Variants in KRT72 observed in about 807,000 individuals in gnomAD.
KRT72 encodes keratin, type II cytoskeletal 72.
A neutral mutation model predicts 44.7 loss-of-function variants in KRT72; 44 were observed. The observed-to-expected ratio is 0.98, with a 90% CI of 0.77 to 1.27. The LOEUF (loss-of-function observed/expected upper bound fraction) is 1.27, where lower values mean the gene tolerates loss of function less well. KRT72 is among the 50% of genes most tolerant of loss of function. The pLI, the probability that KRT72 is intolerant of heterozygous loss-of-function variation, is 0.00. For synonymous variants in KRT72, 302 were observed against 280.4 expected (o/e 1.08, Z -0.77); for missense variants, 736 against 667.1 (o/e 1.10, Z -1.14).
chr12:52,590,816 A>T lies in KRT72; in HGVS notation c.1089+20T>A. ...GTGACTCAATAAATACTGTTAGTGGATTAATTTCATAGAACCCACCTGCTT... is the reference window on the plus strand; with the variant it reads ...GTGACTCAATAAATACTGTTAGTGGTTTAATTTCATAGAACCCACCTGCTT... On this transcript the variant is annotated intron_variant, in intron 6 of 8. Transcript: ENST00000293745. 1.3e-6 allele frequency: 2 copies of T among 1,559,550 alleles called. No individual in the cohort carries two copies. The highest frequency in any genetic ancestry group is 1.8e-6 in the Non-Finnish European group (2 of 1,142,478).
upstream of KRT72, chr12:52,601,673 C>T (rs896045486): frequency 1.0e-5 from 6 of 572,716 alleles, no homozygotes; most frequent in African/African-American, 1.2e-4. Context: ...GTGAACTCCC[C>T]ATGAATCCCT....
At chr12:52,587,491 C>A (rs1379627769) in intron 7 of KRT72, 140 bp downstream of exon 7, 6 of 907,420 alleles carry the variant, frequency 6.6e-6, no homozygotes, top group Non-Finnish European at 8.5e-6. Flanking sequence ...TAACTTTGGC[C>A]TTCCTAATCA....
chr12:52,586,258 T>C (rs1406175690), intron 8 of KRT72, 86 bp from the exon 9 acceptor site: 1 of 1,138,398 alleles, frequency 8.8e-7, no homozygotes, highest in Non-Finnish European at 1.2e-6. Context: ...GCCACCTCCT[T>C]TACTCTCGCC....
chr12:52,601,912 G>C (rs1940480332), upstream of KRT72, among the ~76,000 whole-genome samples: 2 of 152,174 alleles, frequency 1.3e-5, no homozygotes, highest in African/African-American at 4.8e-5. Context: ...ATAGAGTCAA[G>C]ACTATCGCAG....
At chr12:52,587,912 A>T in intron 6 of KRT72, 61 bp from the exon 7 acceptor site, 2 of 1,496,660 alleles carry the variant, frequency 1.3e-6, no homozygotes, top group Non-Finnish European at 1.8e-6. Flanking sequence ...TCTTGCTTGG[A>T]CAACCTCCCC....
chr12:52,591,174 CTG>C (rs1940001316), intron 5 of KRT72, among the ~76,000 whole-genome samples: 1 of 152,154 alleles, frequency 6.6e-6, no homozygotes, highest in South Asian at 2.1e-4. Context: ...CCCATAGAAA[CTG>C]TGTCAGAATC....
At position 52,592,438 on chromosome 12, in the gene KRT72, G is replaced by A. The variant is rs1301868925; in HGVS notation, c.756C>T (p.Ser252=). The A allele has an allele frequency of 1.2e-6, 2 of 1,613,962 alleles. No individual in the cohort carries two copies. The highest frequency in any genetic ancestry group is 2.2e-5 in the East Asian group (1 of 44,888). ...NKVELQAKVD[S]LTDEIKFFKC... ...TGAAGAATTTAATCTCATCTGTCAA[G>A]GAGTCCACCTTGGCCTGGAGCTCAA... Residue 252 remains serine, a synonymous_variant, in exon 4 of 9, where the codon TCC becomes TCT. Transcript: ENST00000293745.
At position 52,600,955 on chromosome 12, in the gene KRT72, C is replaced by A. The variant is rs7980333; in HGVS notation, c.426+72G>T. The A allele has an allele frequency of 2.6e-6, 4 of 1,533,802 alleles. No individual in the cohort carries two copies. In the African/African-American group the frequency reaches 5.6e-5, roughly 21 times the overall value. On this transcript the variant is annotated intron_variant, in intron 1 of 8. Coordinates refer to ENST00000293745, the MANE Select transcript of KRT72 (RefSeq NM_080747.3). ...GACCCGCCCACGCTCCCACACAGCT[C>A]GCCAGTGGCAGAGCCAGCACCACTG...
At chr12:52,587,080 C>T in intron 7 of KRT72, 100 bp from the exon 8 acceptor site, 2 of 1,080,106 alleles carry the variant, frequency 1.9e-6, no homozygotes, top group African/African-American at 1.6e-5. Context: ...CAGAATGTGC[C>T]TTCCCAAACC....
Position 52,585,898 on chromosome 12 carries a change from A to T in KRT72, c.*84T>A. 2 of 1,260,256 alleles carry T rather than the reference A, an allele frequency of 1.6e-6. No individual in the cohort carries two copies. Among genetic ancestry groups the T allele is most frequent in the South Asian group, 1.4e-5 (1 of 72,942 alleles). The allele number at this position is 1,260,256 out of a possible 1,614,324, so 78.1% of individuals were successfully genotyped here. Reference sequence around the variant, plus strand: ...GTAGTGACAGACAAAGCATTTCTTGACTTGGAAAGGGAGCCCAGGGAAGGA... The same window carrying T: ...GTAGTGACAGACAAAGCATTTCTTGTCTTGGAAAGGGAGCCCAGGGAAGGA... On this transcript the variant is annotated 3_prime_UTR_variant, in exon 9 of 9. Transcript: ENST00000293745.
At chr12:52,589,141 C>T (rs745540295) in intron 6 of KRT72, among the ~76,000 whole-genome samples, 1 of 152,180 alleles carries the variant, frequency 6.6e-6, no homozygotes, top group Non-Finnish European at 1.5e-5. Flanking sequence ...GTTCCCTCAG[C>T]TAAGGTTTTG....
chr12:52,587,685 G>A lies in KRT72; in HGVS notation c.1256C>T (p.Ala419Val). 6.2e-7 allele frequency: 1 copy of A among 1,614,158 alleles called. No individual in the cohort carries two copies. Among genetic ancestry groups the A allele is most frequent in the Non-Finnish European group, 8.5e-7 (1 of 1,180,028 alleles). Residue 419 changes from alanine to valine, a missense_variant, in exon 7 of 9, where the codon GCC becomes GTC. Ala to Val is a moderately conservative substitution (Grantham distance 64). Transcript: ENST00000293745. ...EYQELVSLKLALDMEIATYRK... is the reference protein window; with the variant it reads ...EYQELVSLKLVLDMEIATYRK... ...GTAGGTGGCGATCTCCATATCCAGG[G>A]CCAGCTTCAGGCTCACGAGCTCCTG...
chr12:52,599,845 T>C (rs1036108825), intron 1 of KRT72, among the ~76,000 whole-genome samples: 1 of 152,212 alleles, frequency 6.6e-6, no homozygotes, highest in Admixed American at 6.5e-5. Context: ...CTGTCCAAGG[T>C]GAGCTCATTT....
In KRT72 at chr12:52,598,993, G is replaced by A. The variant is rs1456659136; in HGVS notation, c.546C>T (p.Asn182=). ...LEPIYEGYIS[N]LQKQLEMLSG... is the part of the protein sequence containing the mutation. ...ACAGCATCTCCAGCTGCTTCTGCAG[G>A]TTGCTGATGTAGCCCTCATAAATGG... Residue 182 remains asparagine (N), a synonymous_variant, in exon 2 of 9, where the codon AAC becomes AAT. Transcript: ENST00000293745. 11 of 1,614,034 alleles carry A rather than the reference G, an allele frequency of 6.8e-6. No individual in the cohort carries two copies. The highest frequency in any genetic ancestry group is 9.3e-6 in the Non-Finnish European group (11 of 1,179,922).
Position 52,601,402 on chromosome 12 carries a change from G to A in KRT72, c.51C>T (p.Ser17=). ...CGCCAGAGAGGACCGCGGAGCAACC[G>A]CTGAAGCCCAGGCGCTCCCCGCGGG... ...HFPRGERLGF[S]GCSAVLSGGI... Residue 17 remains serine (S), a synonymous_variant, in exon 1 of 9, where the codon AGC becomes AGT. Coordinates refer to ENST00000293745, the MANE Select transcript of KRT72 (RefSeq NM_080747.3). 6.5e-7 allele frequency: 1 copy of A among 1,541,360 alleles called. No homozygotes were observed. Among genetic ancestry groups the A allele is most frequent in the Non-Finnish European group, 8.7e-7 (1 of 1,147,226 alleles).
At chr12:52,586,220 C>T (rs376112297) in intron 8 of KRT72, 48 bp from the exon 9 acceptor site, 133 of 1,528,304 alleles carry the variant, frequency 8.7e-5, no homozygotes, top group Non-Finnish European at 1.1e-4. Flanking sequence ...TCTAGCCCCA[C>T]GTCAGAGCCC....
chr12:52,593,829 CAG>C (rs1322787812), intron 2 of KRT72, among the ~76,000 whole-genome samples: 1 of 152,066 alleles, frequency 6.6e-6, no homozygotes, highest in Non-Finnish European at 1.5e-5. Flanking sequence ...TAGTCTAAGT[CAG>C]AGACAGAAAG....
At position 52,590,917 on chromosome 12, in the gene KRT72, G is replaced by A; in HGVS notation, c.1008C>T (p.Leu336=). The A allele has an allele frequency of 6.2e-7, 1 of 1,608,378 alleles. No homozygotes were observed. The highest frequency in any genetic ancestry group is 1.1e-5 in the South Asian group (1 of 90,256). The part of the protein sequence containing the change: ...QVTAGQHGDD[L]KLTKAEISEL... ...CAGAGATTTCAGCCTTGGTGAGCTT[G>A]AGGTCATCCCCATGCTGGCCTGCTG... Residue 336 remains leucine, a synonymous_variant, in exon 6 of 9, where the codon CTC becomes CTT. Coordinates refer to ENST00000293745, the MANE Select transcript of KRT72 (RefSeq NM_080747.3).
chr12:52,595,725 A>G (rs1399231896), intron 2 of KRT72, among the ~76,000 whole-genome samples: 1 of 152,212 alleles, frequency 6.6e-6, no homozygotes, highest in Non-Finnish European at 1.5e-5. Flanking sequence ...TTGAGTACTA[A>G]CAATGTTTTA....
Sources: gnomAD v4.1 joint callset for allele counts (sites outside exome capture counted in the v4.1 genomes callset) on GRCh38, gnomAD v4.1.1 for gene constraint, MANE v1.5 for transcripts, NCBI Gene and HGNC (gene_info 2026-07-23, HGNC 2026-07-21) for gene names.